CHODL: variants seen among roughly 807,000 people sequenced by gnomAD.
The protein encoded by CHODL is chondrolectin.
Under a neutral mutation model 34.5 loss-of-function variants are expected in CHODL, and 29 were observed. The observed-to-expected ratio is 0.84, with a 90% CI of 0.63 to 1.15. The LOEUF (loss-of-function observed/expected upper bound fraction) is 1.15. Among genes scored for constraint, CHODL ranks in the 50% most tolerant of loss-of-function variants. The probability of loss-of-function intolerance (pLI) is 0.00; values close to 1 mark genes in which losing one functional copy is unlikely to be tolerated. For missense variants in CHODL, 332 were observed against 332.5 expected, an observed-to-expected ratio of 1.00 and a Z score of 0.01; for synonymous variants, 125 against 116.1, an observed-to-expected ratio of 1.08 and a Z score of -0.49.
intron 1 of CHODL, 41 bp from the exon 2 acceptor site, chr21:18,256,468 T>G: frequency 6.5e-7 from 1 of 1,528,230 alleles, no homozygotes; most frequent in Non-Finnish European, 8.8e-7. Flanking sequence ...ACAAATAGAG[T>G]TCCGATTATC....
chr21:18,179,112 G>A (rs1034329503), intron 2 of CHODL, among the ~76,000 whole-genome samples: 1 of 151,990 alleles, frequency 6.6e-6, no homozygotes, highest in African/African-American at 2.4e-5. Flanking sequence ...TCAAACCTTT[G>A]AAACCTCAAG....
chr21:18,136,336 C>G lies in CHODL; in HGVS notation c.-45+108365C>G, dbSNP rs904590126. 2.9e-4 allele frequency among the ~76,000 whole-genome samples: 44 copies of G among 152,086 alleles called. 1 individual carries two copies. Among genetic ancestry groups the G allele is most frequent in the African/African-American group, 9.9e-4 (41 of 41,510 alleles). ...ATACTATTTCCTTTGATTTTCTGGG[C>G]AGTCTCATGTTTTTCTCAAAATCAT... On this transcript the variant is annotated intron_variant, in intron 2 of 6. Transcript: ENST00000400127.
chr21:17,945,582 A>G (rs1442786833), intron 1 of CHODL, among the ~76,000 whole-genome samples: 1 of 152,190 alleles, frequency 6.6e-6, no homozygotes, highest in East Asian at 1.9e-4. Flanking sequence ...AAAAAGAATG[A>G]CAAAAGTCTA....
chr21:18,070,202 C>T (rs1481190182), intron 2 of CHODL, among the ~76,000 whole-genome samples: 1 of 151,710 alleles, frequency 6.6e-6, no homozygotes, highest in African/African-American at 2.4e-5. Context: ...AACCAAACAC[C>T]ACCTGTTCCC....
intron 2 of CHODL, among the ~76,000 whole-genome samples, chr21:18,109,976 C>A (rs576691488): frequency 6.6e-6 from 1 of 152,200 alleles, no homozygotes; most frequent in Non-Finnish European, 1.5e-5. Flanking sequence ...TATAGTTATA[C>A]CTACAAAGCC....
chr21:17,945,067 C>T (rs1277042172), intron 1 of CHODL, among the ~76,000 whole-genome samples: 1 of 151,684 alleles, frequency 6.6e-6, no homozygotes, highest in Non-Finnish European at 1.5e-5. Flanking sequence ...AAAAAATTAG[C>T]CGGGCATGGT....
chr21:17,950,944 C>T (rs1487905637), intron 1 of CHODL, among the ~76,000 whole-genome samples: 2 of 152,074 alleles, frequency 1.3e-5, no homozygotes, highest in Admixed American at 6.6e-5. Flanking sequence ...ACCTCACAGT[C>T]ACAAATTCCT....
chr21:18,020,698 G>T (rs1420928725), intron 1 of CHODL, among the ~76,000 whole-genome samples: 6 of 152,150 alleles, frequency 3.9e-5, no homozygotes, highest in Non-Finnish European at 8.8e-5. Flanking sequence ...ACAAAATATA[G>T]ATGTTGAGGT....
chr21:17,990,972 T>A (rs921209411), intron 1 of CHODL, among the ~76,000 whole-genome samples: 2 of 152,134 alleles, frequency 1.3e-5, no homozygotes, highest in African/African-American at 4.8e-5. Flanking sequence ...TTCCACCTTT[T>A]TTCCGAGGCT....
chr21:18,252,663 T>A (rs527290951), intron 1 of CHODL, among the ~76,000 whole-genome samples: 1 of 152,160 alleles, frequency 6.6e-6, no homozygotes, highest in Non-Finnish European at 1.5e-5. Flanking sequence ...TGACTGTATA[T>A]AAACCCATAA....
rs981133307 is a variant in CHODL at position 17,967,912 on chromosome 21, G to A, written c.-145+50512G>A. 3.3e-5 allele frequency among the ~76,000 whole-genome samples: 5 copies of A among 152,222 alleles called. No homozygotes were observed. The East Asian group carries it at 5.8e-4, about 18-fold the overall frequency. On this transcript the variant is annotated intron_variant, in intron 1 of 6. Transcript: ENST00000400127. ...CAATGCCTACCTTGTTGGTTGATAC[G>A]TCGGATGGTCACTTAACTGTGTAGT...
chr21:18,085,048 ATCT>A (rs1278104213), intron 2 of CHODL, among the ~76,000 whole-genome samples: 3 of 150,830 alleles, frequency 2.0e-5, no homozygotes, highest in South Asian at 2.1e-4. Flanking sequence ...TTATATAATG[ATCT>A]TCTTTTTTAT....
chr21:18,080,035 G>A (rs770720423), intron 2 of CHODL, among the ~76,000 whole-genome samples: 10 of 152,084 alleles, frequency 6.6e-5, no homozygotes, highest in South Asian at 2.1e-4. Flanking sequence ...CATTCTGACC[G>A]GTCTAAGATG....
chr21:18,159,500 C>T lies in CHODL; in HGVS notation c.-44-97009C>T, dbSNP rs565950354. Reference sequence around the variant, plus strand: ...ATATTATTGGAGTGAATTTGTTATACGAACTCATGACTTAATTGTCAAAAA... The same window carrying T: ...ATATTATTGGAGTGAATTTGTTATATGAACTCATGACTTAATTGTCAAAAA... On this transcript the variant is annotated intron_variant, in intron 2 of 6. Transcript: ENST00000400127. 7.2e-4 allele frequency among the ~76,000 whole-genome samples: 109 copies of T among 152,082 alleles called. 2 individuals carry two copies. Among genetic ancestry groups the T allele is most frequent in the South Asian group, 5.4e-3 (26 of 4,816 alleles).
At position 17,976,761 on chromosome 21, in the gene CHODL, A is replaced by C. The variant is rs77543306; in HGVS notation, c.-144-51111A>C. The stretch of plus-strand genomic sequence containing the variant: ...TATATTCTTTGTTTCTAATTTACTA[A>C]GATAATTTCAAATTTTATTTTTGTT... On this transcript the variant is annotated intron_variant, in intron 1 of 6. Transcript: ENST00000400127. Among the ~76,000 whole-genome samples, 301 of 152,180 alleles carry C rather than the reference A, an allele frequency of 2.0e-3. 2 individuals carry two copies. Among genetic ancestry groups the C allele is most frequent in the African/African-American group, 7.0e-3 (290 of 41,530 alleles).
chr21:17,960,207 T>A (rs868183548), intron 1 of CHODL, among the ~76,000 whole-genome samples: 7 of 152,344 alleles, frequency 4.6e-5, no homozygotes, highest in Admixed American at 2.0e-4. Context: ...CCAAGCTTAT[T>A]GGATTGAGAG....
intron 2 of CHODL, among the ~76,000 whole-genome samples, chr21:18,084,390 C>T (rs569315281): frequency 7.2e-5 from 11 of 152,042 alleles, no homozygotes; most frequent in East Asian, 1.9e-4. Context: ...ACTTTTTTGA[C>T]GTAGGTATTT....
intron 1 of CHODL, among the ~76,000 whole-genome samples, chr21:17,941,947 T>A (rs1320123899): frequency 2.0e-5 from 3 of 152,154 alleles, no homozygotes; most frequent in Non-Finnish European, 4.4e-5. Context: ...GTAATGGCAC[T>A]AAACCCATTC....
chr21:18,143,563 A>G (rs575140802), intron 2 of CHODL, among the ~76,000 whole-genome samples: 1 of 152,258 alleles, frequency 6.6e-6, no homozygotes, highest in South Asian at 2.1e-4. Flanking sequence ...TTCCTCAAAT[A>G]TTAACTGTGT....
Sources: allele counts gnomAD v4.1 joint callset (sites outside exome capture counted in the v4.1 genomes callset), GRCh38; gene constraint gnomAD v4.1.1; transcripts MANE v1.5; gene names NCBI Gene and HGNC (gene_info 2026-07-23, HGNC 2026-07-21).